Variants in PACSIN1 observed in about 807,000 individuals in gnomAD.
The protein encoded by PACSIN1 is protein kinase C and casein kinase substrate in neurons 1.
Under a neutral mutation model 59.5 loss-of-function variants are expected in PACSIN1, and 15 were observed. The ratio of observed to expected loss-of-function variants is 0.25; its 90% CI spans 0.17 to 0.39. The LOEUF (loss-of-function observed/expected upper bound fraction) is 0.39. Among genes scored for constraint, PACSIN1 ranks in the 10% least tolerant of loss-of-function variants. PACSIN1 has a pLI of 1.00. For missense variants in PACSIN1, 420 were observed against 580.2 expected (o/e 0.72, Z 2.84); for synonymous variants, 210 against 220.6 (o/e 0.95, Z 0.42).
At chr6:34,490,406 G>T (rs1259043199) in intron 1 of PACSIN1, among the ~76,000 whole-genome samples, 5 of 151,956 alleles carry the variant, frequency 3.3e-5, no homozygotes, top group Non-Finnish European at 5.9e-5. Context: ...CAGTGTCCTT[G>T]TTTGCTGCCC....
chr6:34,519,686 C>T (rs1561968129), intron 1 of PACSIN1, among the ~76,000 whole-genome samples: 2 of 152,136 alleles, frequency 1.3e-5, no homozygotes, highest in Non-Finnish European at 1.5e-5. Flanking sequence ...TTTCCTCCTA[C>T]ACCCCATGGG....
chr6:34,478,061 C>CA (rs1486952354), intron 1 of PACSIN1, among the ~76,000 whole-genome samples: 2 of 114,594 alleles, frequency 1.7e-5, no homozygotes, highest in Non-Finnish European at 3.7e-5. Flanking sequence ...CCCCTTTATC[C>CA]TTTTTTTTTT....
chr6:34,529,584 C>G lies in PACSIN1; in HGVS notation c.612+32C>G, dbSNP rs899213556. 4.3e-6 allele frequency: 7 copies of G among 1,612,926 alleles called. No homozygotes were observed. The African/African-American group carries it at 9.4e-5, about 22-fold the overall frequency. On this transcript the variant is annotated intron_variant, in intron 5 of 9. Coordinates refer to ENST00000244458, the MANE Select transcript of PACSIN1 (RefSeq NM_020804.5). This position sits in a 1 kb window ranked among gnomAD's most constrained non-coding sequence, Gnocchi z 6.3. Reference sequence around the variant, plus strand: ...GCGGGCAGGGATGGCAGTAGGGGGTCTGGGGGCCCCTTGCAGAGGGTGGTG... The same window carrying G: ...GCGGGCAGGGATGGCAGTAGGGGGTGTGGGGGCCCCTTGCAGAGGGTGGTG...
At chr6:34,483,570 T>C (rs1350000750) in intron 1 of PACSIN1, among the ~76,000 whole-genome samples, 1 of 147,572 alleles carries the variant, frequency 6.8e-6, no homozygotes, top group Non-Finnish European at 1.5e-5. Flanking sequence ...ACTCCACCGC[T>C]CCCTTTACGT....
rs1013941293 is a variant in PACSIN1, at chr6:34,534,410, G to C, written c.*1880G>C. Reference sequence around the variant, plus strand: ...GGCTGCAGCCTGAGGTGTGTCCTGGGCTCCTCAGAGCCTGAAGCAAGCTTT... The same window carrying C: ...GGCTGCAGCCTGAGGTGTGTCCTGGCCTCCTCAGAGCCTGAAGCAAGCTTT... On this transcript the variant is annotated 3_prime_UTR_variant, in exon 10 of 10. Transcript: ENST00000244458. 2.0e-5 allele frequency: 3 copies of C among 152,760 alleles called. No individual in the cohort carries two copies. Among genetic ancestry groups the C allele is most frequent in the African/African-American group, 7.2e-5 (3 of 41,446 alleles). 9.5% of individuals were successfully genotyped at this position (152,760 alleles called of 1,614,324 possible). A position where few individuals can be genotyped will look rare whatever the true frequency, so the allele number is the denominator to read the frequency against.
At chr6:34,467,355 C>T (rs7773446) in intron 1 of PACSIN1, among the ~76,000 whole-genome samples, 5 of 151,990 alleles carry the variant, frequency 3.3e-5, no homozygotes, top group African/African-American at 1.2e-4. Context: ...CTGTCATTGC[C>T]CCTGCACCAA....
At chr6:34,495,190 A>G (rs530446562) in intron 1 of PACSIN1, among the ~76,000 whole-genome samples, 151 of 152,308 alleles carry the variant, frequency 9.9e-4, no homozygotes, top group Non-Finnish European at 1.6e-3. Flanking sequence ...TAAGGTGTGA[A>G]TGACTCACAT....
Position 34,532,522 on chromosome 6 carries a change from G to A in PACSIN1, c.1327G>A (p.Ala443Thr), listed in dbSNP as rs1178000218. Residue 443 changes from alanine (A) to threonine (T), a missense_variant, in exon 10 of 10, where the codon GCT (alanine) becomes ACT (threonine). Ala to Thr is a moderately conservative substitution (Grantham distance 58, BLOSUM62 0). Transcript: ENST00000244458. The surrounding 1 kb of genome is among the most constrained non-coding windows in gnomAD (Gnocchi z 5.2). ...CCTCTACCCTGCCAACTACGTGGAGGCTATCTAGAGGCCCCCTCCCTCCAT... is the reference window on the plus strand; with the variant it reads ...CCTCTACCCTGCCAACTACGTGGAGACTATCTAGAGGCCCCCTCCCTCCAT... Reference protein sequence around the residue: ...LGLYPANYVEAI With the variant: ...LGLYPANYVETI The A allele has an allele frequency of 6.5e-7, 1 of 1,543,742 alleles. No homozygotes were observed.
chr6:34,487,608 G>A (rs1489470964), intron 1 of PACSIN1, among the ~76,000 whole-genome samples: 2 of 152,206 alleles, frequency 1.3e-5, no homozygotes, highest in Non-Finnish European at 2.9e-5. Context: ...TCACAGTAGA[G>A]GCCTCAGCTG....
At chr6:34,510,694 C>T (rs1767187731) in intron 1 of PACSIN1, among the ~76,000 whole-genome samples, 1 of 152,202 alleles carries the variant, frequency 6.6e-6, no homozygotes, top group Non-Finnish European at 1.5e-5. Context: ...GCCTCATACT[C>T]TCTGTCTCTT....
In PACSIN1 at chr6:34,516,192, C is replaced by A. The variant is rs1767288758; in HGVS notation, c.-63-10051C>A. ...ACTGGACCACAGTGTGGGGTGTCCC[C>A]TTCCCATGGGCACTCGGGTCAGAGG... On this transcript the variant is annotated intron_variant, in intron 1 of 9. Transcript: ENST00000244458. This position sits in a 1 kb window ranked among gnomAD's most constrained non-coding sequence, Gnocchi z 5.4. Among the ~76,000 whole-genome samples the A allele has an allele frequency of 1.3e-5, 2 of 152,200 alleles. No homozygotes were observed. Among genetic ancestry groups the A allele is most frequent in the South Asian group, 4.1e-4 (2 of 4,828 alleles).
At chr6:34,498,369 G>GT (rs1222046729) in intron 1 of PACSIN1, among the ~76,000 whole-genome samples, 3 of 152,082 alleles carry the variant, frequency 2.0e-5, no homozygotes, top group Non-Finnish European at 2.9e-5. Context: ...CCTTTTGCCT[G>GT]TTTTTTAACT....
chr6:34,527,599 C>T (rs563627623), intron 3 of PACSIN1, 111 bp downstream of exon 3: 1 of 979,894 alleles, frequency 1.0e-6, no homozygotes, highest in South Asian at 2.1e-5. Context: ...ATCTACCAGA[C>T]ACAGGACATT....
At chr6:34,480,421 T>C (rs1766700532) in intron 1 of PACSIN1, among the ~76,000 whole-genome samples, 1 of 151,478 alleles carries the variant, frequency 6.6e-6, no homozygotes, top group Non-Finnish European at 1.5e-5. Flanking sequence ...GATGGGGCGC[T>C]CCCTATTTTG....
chr6:34,491,308 A>G (rs1005736486), intron 1 of PACSIN1, among the ~76,000 whole-genome samples: 3 of 152,090 alleles, frequency 2.0e-5, no homozygotes, highest in Non-Finnish European at 4.4e-5. Context: ...CACAGGCTTT[A>G]TAATTAATTA....
At chr6:34,524,745 T>C (rs1402386359) in intron 1 of PACSIN1, among the ~76,000 whole-genome samples, 2 of 152,234 alleles carry the variant, frequency 1.3e-5, no homozygotes, top group Non-Finnish European at 2.9e-5. Context: ...AGAAGTGGTG[T>C]TCCCGGGTGA....
chr6:34,534,352 C>G lies in PACSIN1; in HGVS notation c.*1822C>G, dbSNP rs1436923550. On this transcript the variant is annotated 3_prime_UTR_variant, in exon 10 of 10. Transcript: ENST00000244458. The stretch of plus-strand genomic sequence containing the variant: ...AGACCTCCTTCCTGCCGTCAGCACC[C>G]CCTTCCTTATCACTGTCTGGTCTCC... 6.5e-6 allele frequency: 1 copy of G among 153,018 alleles called. No individual in the cohort carries two copies. Among genetic ancestry groups the G allele is most frequent in the Non-Finnish European group, 1.5e-5 (1 of 68,300 alleles). 9.5% of individuals were successfully genotyped at this position (153,018 alleles called of 1,614,324 possible). A position where few individuals can be genotyped will look rare whatever the true frequency, so the allele number is the denominator to read the frequency against.
intron 1 of PACSIN1, among the ~76,000 whole-genome samples, chr6:34,505,931 C>G (rs760085331): frequency 1.2e-4 from 18 of 151,986 alleles, no homozygotes; most frequent in Non-Finnish European, 2.4e-4. Flanking sequence ...CACACCCAGC[C>G]TCCATTCTAT....
chr6:34,482,616 A>G (rs1766734750), intron 1 of PACSIN1, among the ~76,000 whole-genome samples: 1 of 150,654 alleles, frequency 6.6e-6, no homozygotes, highest in Admixed American at 6.6e-5. Flanking sequence ...ATATGTTTTC[A>G]TTTCTCTTGG....
Sources: allele counts gnomAD v4.1 joint callset (sites outside exome capture counted in the v4.1 genomes callset), GRCh38; gene constraint gnomAD v4.1.1; non-coding constraint Gnocchi (gnomAD v3.1); transcripts MANE v1.5; gene names NCBI Gene and HGNC (gene_info 2026-07-23, HGNC 2026-07-21).